PDZD8: variants seen among roughly 807,000 people sequenced by gnomAD.
PDZD8 encodes PDZ domain-containing protein 8.
Under a neutral mutation model 85.8 loss-of-function variants are expected in PDZD8, and 14 were observed. That is an observed-to-expected ratio of 0.16 (90% CI 0.11 to 0.26). The LOEUF (loss-of-function observed/expected upper bound fraction) is 0.26. PDZD8 is among the 10% of genes least tolerant of loss of function. PDZD8 has a pLI of 1.00. For synonymous variants in PDZD8, 592 were observed against 568.6 expected, an observed-to-expected ratio of 1.04 and a Z score of -0.59; for missense variants, 1,197 against 1,424.3, an observed-to-expected ratio of 0.84 and a Z score of 2.57.
chr10:117,298,954 C>T (rs982465628), intron 3 of PDZD8, among the ~76,000 whole-genome samples: 3 of 152,124 alleles, frequency 2.0e-5, no homozygotes, highest in South Asian at 2.1e-4. Flanking sequence ...CAGATACATA[C>T]GCAATGAGGC....
At position 117,284,890 on chromosome 10, in the gene PDZD8, G is replaced by C. The variant is rs1565016064; in HGVS notation, c.1843C>G (p.Leu615Val). ...ACCACCTTCTCTGGCTTTTCAACGA[G>C]AACATCTGGTTCTGCCTGATTTGGA... ...DAPNQAEPDV[L>V]VEKPEKVVPP... Residue 615 changes from leucine (L) to valine (V), a missense_variant, in exon 5 of 5, where the codon CTC becomes GTC. By Grantham distance (32) the Leu-to-Val change is conservative. Coordinates refer to ENST00000334464, the MANE Select transcript of PDZD8 (RefSeq NM_173791.5). The C allele has an allele frequency of 1.9e-6, 3 of 1,614,064 alleles. No individual in the cohort carries two copies. The Admixed American group carries it at 5.0e-5, about 27-fold the overall frequency.
intron 1 of PDZD8, among the ~76,000 whole-genome samples, chr10:117,364,181 GGTGTGTGT>G (rs71938439): frequency 2.0e-5 from 3 of 149,088 alleles, no homozygotes; most frequent in East Asian, 2.0e-4. Context: ...ATAATTTATG[GGTGTGTGT>G]GTGTGTGTGT....
At chr10:117,334,148 A>G (rs1844476398) in intron 2 of PDZD8, among the ~76,000 whole-genome samples, 1 of 152,240 alleles carries the variant, frequency 6.6e-6, no homozygotes, top group East Asian at 1.9e-4. Context: ...TTCTGAATGT[A>G]GACAGAAGCC....
At chr10:117,360,913 T>C (rs1432347420) in intron 1 of PDZD8, among the ~76,000 whole-genome samples, 1 of 152,124 alleles carries the variant, frequency 6.6e-6, no homozygotes, top group African/African-American at 2.4e-5. Flanking sequence ...TTTTAAAAAT[T>C]ATTGAGGATC....
intron 3 of PDZD8, among the ~76,000 whole-genome samples, chr10:117,294,012 A>C (rs1429394064): frequency 6.6e-6 from 1 of 152,162 alleles, no homozygotes; most frequent in Non-Finnish European, 1.5e-5. Flanking sequence ...AATGATGAAA[A>C]TGCAACCAAT....
rs774747498 is a variant in PDZD8, at chr10:117,333,119, A to AAAAAAAAAC, written c.995+7860_995+7861insGTTTTTTTT. On this transcript the variant is annotated intron_variant, in intron 2 of 4. Transcript: ENST00000334464. ...GGACAGCAGAGTGGACTCTGTCTCA[A>AAAAAAAAAC]AAAAAAAAAAAAAAAAAAAAAAAAG... Among the ~76,000 whole-genome samples, 253 of 79,126 alleles carry AAAAAAAAAC rather than the reference A, an allele frequency of 3.2e-3. 20 individuals are homozygous for AAAAAAAAAC. The highest frequency in any genetic ancestry group is 7.2e-3 in the African/African-American group (162 of 22,494). 51.9% of individuals were successfully genotyped at this position (79,126 alleles called of 152,430 possible). A position where few individuals can be genotyped will look rare whatever the true frequency, so the allele number is the denominator to read the frequency against.
At chr10:117,288,369 C>A (rs111772771) in intron 4 of PDZD8, among the ~76,000 whole-genome samples, 719 of 60,354 alleles carry the variant, frequency 0.012, 10 homozygotes, top group African/African-American at 0.029. Flanking sequence ...TTGGGAAAGG[C>A]ATATATTTAT....
chr10:117,290,098 A>G, intron 4 of PDZD8, 88 bp downstream of exon 4: 1 of 1,188,420 alleles, frequency 8.4e-7, no homozygotes, highest in Non-Finnish European at 1.2e-6. Context: ...TATTATAGAA[A>G]TAAGGAAAAA....
At chr10:117,341,453 G>C (rs1370424425) in intron 1 of PDZD8, among the ~76,000 whole-genome samples, 1 of 152,160 alleles carries the variant, frequency 6.6e-6, no homozygotes, top group Non-Finnish European at 1.5e-5. Context: ...AATTCAGAAT[G>C]CATGTTCCAT....
intron 1 of PDZD8, among the ~76,000 whole-genome samples, chr10:117,370,991 C>T (rs915834830): frequency 6.6e-6 from 1 of 151,034 alleles, no homozygotes; most frequent in Non-Finnish European, 1.5e-5. Flanking sequence ...TGCGTTTCAA[C>T]ACTTGAAAGC....
At chr10:117,346,207 T>C (rs1271785158) in intron 1 of PDZD8, among the ~76,000 whole-genome samples, 3 of 121,660 alleles carry the variant, frequency 2.5e-5, no homozygotes, top group Non-Finnish European at 4.8e-5. Context: ...CACTCCAGCC[T>C]AGGCAACAAG....
chr10:117,313,384 A>G (rs117067572), intron 3 of PDZD8, among the ~76,000 whole-genome samples: 5,643 of 152,288 alleles, frequency 0.037, 138 homozygotes, highest in Middle Eastern at 0.071. Flanking sequence ...CATTACTAAA[A>G]TTAATTTCTC....
At chr10:117,298,566 T>A (rs1328679860) in intron 3 of PDZD8, among the ~76,000 whole-genome samples, 2 of 152,146 alleles carry the variant, frequency 1.3e-5, no homozygotes, top group Non-Finnish European at 2.9e-5. Context: ...TCAATACAGT[T>A]ATACCCCTAT....
intron 3 of PDZD8, among the ~76,000 whole-genome samples, chr10:117,298,057 T>C (rs1843785299): frequency 6.6e-6 from 1 of 152,276 alleles, no homozygotes; most frequent in Non-Finnish European, 1.5e-5. Context: ...AATATTTATA[T>C]GGTTTTTTAA....
chr10:117,284,909 A>G lies in PDZD8; in HGVS notation c.1824T>C (p.Asn608=). 1 of 1,614,110 alleles carries G rather than the reference A, an allele frequency of 6.2e-7. No homozygotes were observed. The highest frequency in any genetic ancestry group is 1.1e-5 in the South Asian group (1 of 91,070). Residue 608 remains asparagine, a synonymous_variant, in exon 5 of 5, where the codon AAT becomes AAC. Coordinates refer to ENST00000334464, the MANE Select transcript of PDZD8 (RefSeq NM_173791.5). Reference sequence around the variant, plus strand: ...CAACGAGAACATCTGGTTCTGCCTGATTTGGAGCATCGGCGGAAGGCAAAG... The same window carrying G: ...CAACGAGAACATCTGGTTCTGCCTGGTTTGGAGCATCGGCGGAAGGCAAAG... ...KVPLPSADAP[N]QAEPDVLVEK...
Position 117,375,103 on chromosome 10 carries a change from C to T in PDZD8, c.125G>A (p.Gly42Asp). The T allele has an allele frequency of 6.3e-7, 1 of 1,595,942 alleles. No homozygotes were observed. ...EPPADEAARAGEGFRYIKPVP... is the reference protein window; with the variant it reads ...EPPADEAARADEGFRYIKPVP... The stretch of plus-strand genomic sequence containing the variant: ...TGGCTTGATGTAGCGGAAGCCCTCG[C>T]CCGCGCGGGCGGCCTCGTCCGCCGG... Residue 42 changes from glycine (G) to aspartate (D), a missense_variant, in exon 1 of 5, where the codon GGC becomes GAC. Physicochemically the swap from Gly to Asp is moderately conservative, Grantham distance 94. Transcript: ENST00000334464.
In PDZD8 at chr10:117,304,280, G is replaced by C. The variant is rs73394960; in HGVS notation, c.1099-13932C>G. Among the ~76,000 whole-genome samples, 724 of 152,264 alleles carry C rather than the reference G, an allele frequency of 4.8e-3. 11 individuals are homozygous for C. The highest frequency in any genetic ancestry group is 0.017 in the African/African-American group (696 of 41,540). The stretch of plus-strand genomic sequence containing the variant: ...GACTGCCCTTCTGGATTTCGGACTT[G>C]TATGGGCCCTGTAACCCTTTGTTTT... On this transcript the variant is annotated intron_variant, in intron 3 of 4. Transcript: ENST00000334464.
chr10:117,351,519 TA>T (rs1055279852), intron 1 of PDZD8, among the ~76,000 whole-genome samples: 1 of 152,138 alleles, frequency 6.6e-6, no homozygotes, highest in African/African-American at 2.4e-5. Context: ...AGGTAGTGAC[TA>T]GGTAGCATAT....
At chr10:117,370,401 C>CA (rs1845168658) in intron 1 of PDZD8, among the ~76,000 whole-genome samples, 1 of 151,892 alleles carries the variant, frequency 6.6e-6, no homozygotes, top group African/African-American at 2.4e-5. Context: ...ACGAAAAAGG[C>CA]AAAATAAATG....
Sources: allele counts gnomAD v4.1 joint callset (sites outside exome capture counted in the v4.1 genomes callset), GRCh38; gene constraint gnomAD v4.1.1; transcripts MANE v1.5; gene names NCBI Gene and HGNC (gene_info 2026-07-23, HGNC 2026-07-21).